FAF2: variants seen among roughly 807,000 people sequenced by gnomAD.
FAF2 encodes the protein FAS-associated factor 2.
A neutral mutation model predicts 62.3 loss-of-function variants in FAF2; 9 were observed. That is an observed-to-expected ratio of 0.14 (90% CI 0.09 to 0.25). The LOEUF is 0.25. Ranked by LOEUF, FAF2 falls within the 10% of genes least tolerant of loss-of-function variation. The pLI, the probability that FAF2 is intolerant of heterozygous loss-of-function variation, is 1.00. For missense variants in FAF2, 368 were observed against 556.2 expected (o/e 0.66, Z 3.40); for synonymous variants, 202 against 198.0 (o/e 1.02, Z -0.17).
At chr5:176,505,973 A>G (rs2113750540) in intron 10 of FAF2, among the ~76,000 whole-genome samples, 1 of 152,156 alleles carries the variant, frequency 6.6e-6, no homozygotes, top group East Asian at 1.9e-4. Context: ...GGAGGATCAC[A>G]AGGTCAGAAG....
chr5:176,489,082 T>C (rs10054778), intron 4 of FAF2, 55 bp downstream of exon 4: 252,756 of 1,426,832 alleles, frequency 0.18, 22,764 homozygotes, highest in African/African-American at 0.21. Context: ...GGAGCTGAAA[T>C]TTAGGCCAAA....
At chr5:176,479,142 A>G (rs1758749380) in intron 1 of FAF2, 46 bp from the exon 2 acceptor site, 1 of 1,471,158 alleles carries the variant, frequency 6.8e-7, no homozygotes, top group African/African-American at 1.4e-5. Flanking sequence ...TCACACGTAT[A>G]CTGTTGGTTT....
intron 1 of FAF2, among the ~76,000 whole-genome samples, chr5:176,478,687 T>C (rs1758742378): frequency 6.6e-6 from 1 of 152,212 alleles, no homozygotes; most frequent in South Asian, 2.1e-4. Context: ...TTTGGATTGT[T>C]TTGAGAATTT....
At chr5:176,454,577 G>GAAAAAA (rs56324116) in intron 1 of FAF2, among the ~76,000 whole-genome samples, 24 of 95,300 alleles carry the variant, frequency 2.5e-4, no homozygotes, top group East Asian at 5.7e-4. Context: ...GATTCTGTCT[G>GAAAAAA]AAAAAAAAAA....
chr5:176,457,406 G>A (rs1398558261), intron 1 of FAF2, among the ~76,000 whole-genome samples: 2 of 151,946 alleles, frequency 1.3e-5, no homozygotes, highest in Admixed American at 1.3e-4. Context: ...GGGCAGGCTG[G>A]TCTCGAACTC....
At chr5:176,448,873 C>T (rs780892854) in intron 1 of FAF2, among the ~76,000 whole-genome samples, 8 of 152,194 alleles carry the variant, frequency 5.3e-5, no homozygotes, top group Non-Finnish European at 1.0e-4. Context: ...AAACCTCCTG[C>T]CAGCATCCCA....
At chr5:176,451,823 TATATAC>T (rs1210900337) in intron 1 of FAF2, among the ~76,000 whole-genome samples, 1 of 56,904 alleles carries the variant, frequency 1.8e-5, no homozygotes, top group Admixed American at 2.2e-4. Flanking sequence ...CACATATATA[TATATAC>T]ATATATATAT....
chr5:176,454,675 CTTATT>C (rs1217726900), intron 1 of FAF2, among the ~76,000 whole-genome samples: 27 of 148,550 alleles, frequency 1.8e-4, no homozygotes, highest in Non-Finnish European at 7.4e-5. Flanking sequence ...GTAATCAAAT[CTTATT>C]TTATTTCCCC....
intron 1 of FAF2, chr5:176,453,572 T>C (rs1393877462): frequency 6.6e-6 from 1 of 152,188 alleles, no homozygotes; most frequent in Non-Finnish European, 1.5e-5. Flanking sequence ...ATGGTGCTTT[T>C]TGTTCATGTA....
At chr5:176,506,745 CT>C in intron 10 of FAF2, 22 bp from the exon 11 acceptor site, 1 of 1,604,440 alleles carries the variant, frequency 6.2e-7, no homozygotes, top group Non-Finnish European at 8.5e-7. Context: ...CACCACCCTT[CT>C]TTTTCTATAT....
intron 1 of FAF2, among the ~76,000 whole-genome samples, chr5:176,464,449 G>T (rs1042770361): frequency 1.5e-4 from 22 of 149,870 alleles, no homozygotes; most frequent in African/African-American, 5.4e-4. Context: ...GATTTGCACA[G>T]ACCATTTGGT....
chr5:176,471,928 C>A (rs975236644), intron 1 of FAF2, among the ~76,000 whole-genome samples: 8 of 152,044 alleles, frequency 5.3e-5, no homozygotes, highest in Non-Finnish European at 1.2e-4. Context: ...GATTCGCCCC[C>A]CTCGGTCTCC....
chr5:176,478,666 A>G (rs1317343567), intron 1 of FAF2, among the ~76,000 whole-genome samples: 4 of 152,190 alleles, frequency 2.6e-5, no homozygotes, highest in Admixed American at 2.6e-4. Context: ...TGGAACCACA[A>G]GTGTTTCAGA....
intron 1 of FAF2, among the ~76,000 whole-genome samples, chr5:176,472,719 CAAAAAAA>C (rs66911150): frequency 9.2e-6 from 1 of 108,518 alleles, no homozygotes; most frequent in Non-Finnish European, 2.0e-5. Context: ...TTCATCTCTA[CAAAAAAA>C]AAAAAAAAAG....
rs1450398344 is a variant in FAF2 at position 176,508,012 on chromosome 5, A to T, written c.*1062A>T. Reference sequence around the variant, plus strand: ...GTGGTGGAGCCAGCAGAACCACAGGAGAGTGCCCTGCCTGTCTCAGTGGAA... The same window carrying T: ...GTGGTGGAGCCAGCAGAACCACAGGTGAGTGCCCTGCCTGTCTCAGTGGAA... On this transcript the variant is annotated 3_prime_UTR_variant, in exon 11 of 11. Coordinates refer to ENST00000261942, the MANE Select transcript of FAF2 (RefSeq NM_014613.3). The T allele has an allele frequency of 3.3e-5, 5 of 152,592 alleles. No homozygotes were observed. Among genetic ancestry groups the T allele is most frequent in the Admixed American group, 3.3e-4 (5 of 15,270 alleles). The allele number at this position is 152,592 out of a possible 1,614,324, so 9.5% of individuals were successfully genotyped here. A position where few individuals can be genotyped will look rare whatever the true frequency, so the allele number is the denominator to read the frequency against.
intron 4 of FAF2, among the ~76,000 whole-genome samples, chr5:176,489,618 A>G (rs886118849): frequency 6.6e-6 from 1 of 152,076 alleles, no homozygotes. Context: ...ACTCACTGCA[A>G]CCTTCACCTC....
intron 1 of FAF2, among the ~76,000 whole-genome samples, chr5:176,474,077 G>A (rs1758620274): frequency 6.6e-6 from 1 of 152,160 alleles, no homozygotes; most frequent in South Asian, 2.1e-4. Flanking sequence ...TGGCTTGTAG[G>A]ACCTTTCAGC....
chr5:176,469,074 G>A (rs1365221001), intron 1 of FAF2, among the ~76,000 whole-genome samples: 1 of 151,830 alleles, frequency 6.6e-6, no homozygotes, highest in Non-Finnish European at 1.5e-5. Context: ...GTGAAACCCT[G>A]TCGGTACTAA....
At chr5:176,483,078 A>T in intron 2 of FAF2, among the ~76,000 whole-genome samples, 1 of 150,466 alleles carries the variant, frequency 6.6e-6, no homozygotes, top group Non-Finnish European at 1.5e-5. Context: ...TTTTTGAGAG[A>T]TGGAGTCTTG....
Sources: gnomAD v4.1 joint callset for allele counts (sites outside exome capture counted in the v4.1 genomes callset) on GRCh38, gnomAD v4.1.1 for gene constraint, MANE v1.5 for transcripts, NCBI Gene and HGNC (gene_info 2026-07-23, HGNC 2026-07-21) for gene names.